PGM2: variants seen among roughly 807,000 people sequenced by gnomAD.
PGM2 encodes the protein phosphopentomutase.
Under a neutral mutation model 74.6 loss-of-function variants are expected in PGM2, and 57 were observed. The observed-to-expected ratio is 0.76, with a 90% CI of 0.62 to 0.95. The LOEUF is 0.95. PGM2 is among the 40% of genes least tolerant of loss of function. PGM2 has a pLI of 0.00. For synonymous variants in PGM2, 273 were observed against 260.7 expected, an observed-to-expected ratio of 1.05 and a Z score of -0.46; for missense variants, 706 against 741.9, an observed-to-expected ratio of 0.95 and a Z score of 0.56.
intron 13 of PGM2, among the ~76,000 whole-genome samples, chr4:37,858,163 T>A (rs1237505733): frequency 6.6e-6 from 1 of 152,030 alleles, no homozygotes; most frequent in Non-Finnish European, 1.5e-5. Context: ...AAATATTAGC[T>A]TATAAATTAG....
intron 3 of PGM2, among the ~76,000 whole-genome samples, chr4:37,836,380 T>C (rs1725567529): frequency 6.6e-6 from 1 of 152,246 alleles, no homozygotes; most frequent in African/African-American, 2.4e-5. Context: ...GATGAGTGAA[T>C]GGAATCTTCG....
At chr4:37,836,884 TAC>T (rs1191542634) in intron 3 of PGM2, among the ~76,000 whole-genome samples, 4 of 152,176 alleles carry the variant, frequency 2.6e-5, no homozygotes, top group Non-Finnish European at 4.4e-5. Context: ...TGTGTGTGTA[TAC>T]ACACATGCGT....
At position 37,839,917 on chromosome 4, in the gene PGM2, GATAATGGTT is replaced by G; in HGVS notation, c.516_524del (p.Asn172_Tyr174del). 1 of 1,596,752 alleles carries G rather than the reference GATAATGGTT, an allele frequency of 6.3e-7. No homozygotes were observed. On this transcript the variant is annotated inframe_deletion, in exon 5 of 14. Coordinates refer to ENST00000381967, the MANE Select transcript of PGM2 (RefSeq NM_018290.4). Reference sequence around the variant, plus strand: ...AACTGCATCTCACAATCCAAAGCAGGATAATGGTTATAAGGTATTTTCCTTTTTCTACTC... The same window carrying G: ...AACTGCATCTCACAATCCAAAGCAGGATAAGGTATTTTCCTTTTTCTACTC...
intron 13 of PGM2, among the ~76,000 whole-genome samples, chr4:37,857,443 A>G (rs1711563372): frequency 6.6e-6 from 1 of 152,220 alleles, no homozygotes; most frequent in Non-Finnish European, 1.5e-5. Context: ...GAAGTATAAC[A>G]AACTTTTCTT....
chr4:37,848,598 C>T lies in PGM2; in HGVS notation c.1359C>T (p.Phe453=). 1 of 1,613,600 alleles carries T rather than the reference C, an allele frequency of 6.2e-7. No homozygotes were observed. The highest frequency in any genetic ancestry group is 8.5e-7 in the Non-Finnish European group (1 of 1,179,516). The change falls in exon 11 of 14, where the codon TTC becomes TTT. Residue 453 remains phenylalanine, a synonymous_variant. Coordinates refer to ENST00000381967, the MANE Select transcript of PGM2 (RefSeq NM_018290.4). The stretch of plus-strand genomic sequence containing the variant: ...TCATAAGTGCAGAGTTGGCTAGCTT[C>T]CTAGCAACCAAGAATTTGTCTTTGT... ...AAVISAELAS[F]LATKNLSLSQ...
intron 6 of PGM2, among the ~76,000 whole-genome samples, chr4:37,841,130 T>C (rs1434223143): frequency 8.3e-6 from 1 of 120,380 alleles, no homozygotes; most frequent in Non-Finnish European, 1.6e-5. Context: ...ATATGTATAA[T>C]ATACTTCAAA....
intron 13 of PGM2, among the ~76,000 whole-genome samples, chr4:37,856,351 C>G (rs1335369555): frequency 6.6e-6 from 1 of 152,110 alleles, no homozygotes. Flanking sequence ...CGCCACTGCA[C>G]TCCAGCCTGG....
At position 37,854,158 on chromosome 4, in the gene PGM2, C is replaced by T. The variant is rs185979445; in HGVS notation, c.1603-1450C>T. On this transcript the variant is annotated intron_variant, in intron 12 of 13. Transcript: ENST00000381967. ...TTTTCTGACTTGTGCGATCGGTTGGCAGCCCCATCAGCTGCTACCTCCTCT... is the reference window on the plus strand; with the variant it reads ...TTTTCTGACTTGTGCGATCGGTTGGTAGCCCCATCAGCTGCTACCTCCTCT... 2.6e-5 allele frequency among the ~76,000 whole-genome samples: 4 copies of T among 152,278 alleles called. No individual in the cohort carries two copies. The East Asian group carries it at 5.8e-4, about 22-fold the overall frequency.
chr4:37,833,340 G>C (rs933687261), intron 2 of PGM2, among the ~76,000 whole-genome samples: 9 of 152,156 alleles, frequency 5.9e-5, no homozygotes, highest in African/African-American at 2.2e-4. Flanking sequence ...AGGATTGCTT[G>C]AGCCCACAAG....
chr4:37,854,660 G>C (rs1726142429), intron 12 of PGM2, among the ~76,000 whole-genome samples: 1 of 150,428 alleles, frequency 6.6e-6, no homozygotes, highest in African/African-American at 2.4e-5. Context: ...GCCCAGCCTG[G>C]AAGCTTTATT....
chr4:37,837,969 G>A (rs1481856519), intron 4 of PGM2, among the ~76,000 whole-genome samples: 1 of 151,798 alleles, frequency 6.6e-6, no homozygotes, highest in Non-Finnish European at 1.5e-5. Flanking sequence ...CAACCTCCGT[G>A]TCCCGGGTTC....
At chr4:37,849,070 CAAA>C (rs34584642) in intron 11 of PGM2, among the ~76,000 whole-genome samples, 13 of 84,632 alleles carry the variant, frequency 1.5e-4, no homozygotes, top group Admixed American at 4.8e-4. Context: ...AACTCTGTCT[CAAA>C]AAAAAAAAAA....
intron 13 of PGM2, among the ~76,000 whole-genome samples, chr4:37,860,288 TA>T (rs960170805): frequency 5.3e-5 from 8 of 152,202 alleles, no homozygotes; most frequent in Non-Finnish European, 1.2e-4. Flanking sequence ...CATATGTACT[TA>T]AAAAGCATAA....
At chr4:37,844,699 G>A (rs75361848) in intron 7 of PGM2, 146 bp downstream of exon 7, 30,648 of 602,706 alleles carry the variant, frequency 0.051, 1,879 homozygotes, top group African/African-American at 0.18. Context: ...TGGGTGCAGC[G>A]TCTCATGTCT....
At chr4:37,841,943 G>A (rs1248708737) in intron 6 of PGM2, among the ~76,000 whole-genome samples, 1 of 152,150 alleles carries the variant, frequency 6.6e-6, no homozygotes, top group Non-Finnish European at 1.5e-5. Flanking sequence ...TTAGCAAATT[G>A]ACCTCCAAAA....
chr4:37,847,479 A>T, intron 10 of PGM2, 184 bp downstream of exon 10: 1 of 557,338 alleles, frequency 1.8e-6, no homozygotes, highest in Non-Finnish European at 3.2e-6. Flanking sequence ...GGAATGTCTT[A>T]AAAACAACTA....
intron 6 of PGM2, among the ~76,000 whole-genome samples, chr4:37,840,941 C>A (rs1725692172): frequency 7.2e-6 from 1 of 139,234 alleles, no homozygotes; most frequent in Non-Finnish European, 1.5e-5. Flanking sequence ...CATATTCATA[C>A]ATGTAAGTGT....
intron 10 of PGM2, among the ~76,000 whole-genome samples, chr4:37,847,664 A>G (rs1048613148): frequency 1.3e-5 from 2 of 152,188 alleles, no homozygotes; most frequent in African/African-American, 4.8e-5. Flanking sequence ...GCTAATGAGG[A>G]TCTATGCTAC....
At chr4:37,857,316 A>T (rs1408771748) in intron 13 of PGM2, among the ~76,000 whole-genome samples, 1 of 152,232 alleles carries the variant, frequency 6.6e-6, no homozygotes, top group Non-Finnish European at 1.5e-5. Context: ...TTGCTCATAG[A>T]AGAGTTTTTC....
Sources: allele counts gnomAD v4.1 joint callset (sites outside exome capture counted in the v4.1 genomes callset), GRCh38; gene constraint gnomAD v4.1.1; transcripts MANE v1.5; gene names NCBI Gene and HGNC (gene_info 2026-07-23, HGNC 2026-07-21).